The following CSMD1 variants were observed in gnomAD, a reference collection of about 807,000 sequenced individuals.
CSMD1 encodes CUB and Sushi multiple domains 1.
CSMD1 carries 213 observed loss-of-function variants against 417.5 expected under a neutral mutation model. The ratio of observed to expected loss-of-function variants is 0.51; its 90% CI spans 0.46 to 0.57. CSMD1 has a LOEUF of 0.57. Ranked by LOEUF, CSMD1 falls within the 20% of genes least tolerant of loss-of-function variation. CSMD1 has a pLI of 0.00. For missense variants in CSMD1, 6,923 were observed against 4,529.7 expected (o/e 1.53, Z -15.17); for synonymous variants, 2,862 against 1,736.8 (o/e 1.65, Z -16.11).
intron 1 of CSMD1, among the ~76,000 whole-genome samples, chr8:4,758,894 T>A (rs1811843244): frequency 6.6e-6 from 1 of 152,124 alleles, no homozygotes; most frequent in African/African-American, 2.4e-5. Flanking sequence ...GACACAAAGC[T>A]TAACCACATC....
At chr8:3,909,239 G>C (rs921971259) in intron 5 of CSMD1, among the ~76,000 whole-genome samples, 1 of 152,148 alleles carries the variant, frequency 6.6e-6, no homozygotes. Flanking sequence ...TCCTGGCTTG[G>C]AGGAGATGTA....
At chr8:3,799,453 G>A (rs1385791952) in intron 5 of CSMD1, among the ~76,000 whole-genome samples, 2 of 132,376 alleles carry the variant, frequency 1.5e-5, no homozygotes, top group Admixed American at 1.8e-4. Flanking sequence ...GTGTCCAAGT[G>A]TTCTCACTGT....
chr8:4,041,465 T>C (rs1364575110), intron 3 of CSMD1, among the ~76,000 whole-genome samples: 1 of 152,164 alleles, frequency 6.6e-6, no homozygotes, highest in African/African-American at 2.4e-5. Context: ...CCTTAAAAAG[T>C]AGTGTAAGGA....
chr8:4,019,707 T>C (rs1241281896), intron 4 of CSMD1, among the ~76,000 whole-genome samples: 1 of 152,174 alleles, frequency 6.6e-6, no homozygotes, highest in African/African-American at 2.4e-5. Flanking sequence ...GTCAGTTATT[T>C]ACATGCACGT....
Position 4,507,862 on chromosome 8 carries a change from G to A in CSMD1, c.303-87797C>T, listed in dbSNP as rs545637284. Among the ~76,000 whole-genome samples, 396 of 152,146 alleles carry A rather than the reference G, an allele frequency of 2.6e-3. 6 individuals are homozygous for A. The highest frequency in any genetic ancestry group is 5.4e-3 in the African/African-American group (226 of 41,534). On this transcript the variant is annotated intron_variant, in intron 2 of 69. Transcript: ENST00000635120. The stretch of plus-strand genomic sequence containing the variant: ...GGAGCTGAAGGAAAAATTATACACT[G>A]GTCAATTTCAGTTTAACATCTTTGA...
chr8:3,487,016 TCA>T (rs1487780767), intron 11 of CSMD1, among the ~76,000 whole-genome samples: 1 of 151,970 alleles, frequency 6.6e-6, no homozygotes, highest in Non-Finnish European at 1.5e-5. Flanking sequence ...CCTGAACCTC[TCA>T]CACACAGAAG....
At chr8:3,641,771 C>A (rs1444195024) in intron 7 of CSMD1, among the ~76,000 whole-genome samples, 1 of 152,210 alleles carries the variant, frequency 6.6e-6, no homozygotes, top group Non-Finnish European at 1.5e-5. Flanking sequence ...TACCCAACCA[C>A]TCACTACCTC....
At chr8:3,612,822 A>G (rs1801957478) in intron 8 of CSMD1, among the ~76,000 whole-genome samples, 1 of 152,094 alleles carries the variant, frequency 6.6e-6, no homozygotes, top group African/African-American at 2.4e-5. Flanking sequence ...ACATTTAGAA[A>G]GAATAAAGGT....
At chr8:3,263,868 T>C (rs539699042) in intron 26 of CSMD1, among the ~76,000 whole-genome samples, 26 of 152,338 alleles carry the variant, frequency 1.7e-4, no homozygotes, top group Admixed American at 2.6e-4. Context: ...TGTCTCTTCT[T>C]TGATGTGTAA....
rs1165304557 is a variant in CSMD1, at chr8:4,920,979, AAACAAAGAAAGAAAGAAAAG to A, written c.85+73333_85+73352del. Among the ~76,000 whole-genome samples, 9 of 17,840 alleles carry A rather than the reference AAACAAAGAAAGAAAGAAAAG, an allele frequency of 5.0e-4. 1 individual carries two copies. The highest frequency in any genetic ancestry group is 3.5e-3 in the East Asian group (2 of 568). The allele number at this position is 17,840 out of a possible 152,430, so 11.7% of individuals were successfully genotyped here. On this transcript the variant is annotated intron_variant, in intron 1 of 69. Transcript: ENST00000635120. ...GAAAGAAAGAAAGAAAGAAAGAAAG[AAACAAAGAAAGAAAGAAAAG>A]AAAGAAAGAAAGAAAAGAAAGAAAG...
chr8:4,782,672 C>T lies in CSMD1; in HGVS notation c.86-145114G>A, dbSNP rs1190915157. 2.6e-5 allele frequency among the ~76,000 whole-genome samples: 4 copies of T among 152,136 alleles called. No homozygotes were observed. The East Asian group carries it at 5.8e-4, about 22-fold the overall frequency. On this transcript the variant is annotated intron_variant, in intron 1 of 69. Coordinates refer to ENST00000635120, the MANE Select transcript of CSMD1 (RefSeq NM_033225.6). The stretch of plus-strand genomic sequence containing the variant: ...TTTGTACAATATAGCTCTACTGTGA[C>T]TCATACTTCTGCAGATGAGTATTTT...
chr8:4,915,493 T>G (rs891433609), intron 1 of CSMD1, among the ~76,000 whole-genome samples: 1 of 152,176 alleles, frequency 6.6e-6, no homozygotes, highest in African/African-American at 2.4e-5. Context: ...TATATTTATT[T>G]TTCTTGGGTT....
At chr8:4,227,540 G>A (rs1268217199) in intron 3 of CSMD1, among the ~76,000 whole-genome samples, 2 of 152,040 alleles carry the variant, frequency 1.3e-5, no homozygotes, top group South Asian at 2.1e-4. Context: ...TAACTGAGAA[G>A]CAGGGGTGCC....
At chr8:3,274,362 T>A (rs1414357003) in intron 26 of CSMD1, among the ~76,000 whole-genome samples, 1 of 152,220 alleles carries the variant, frequency 6.6e-6, no homozygotes, top group Non-Finnish European at 1.5e-5. Context: ...GTGGTCAATT[T>A]TGGAGTAGGT....
intron 5 of CSMD1, among the ~76,000 whole-genome samples, chr8:3,892,059 G>C (rs1807011643): frequency 6.6e-6 from 1 of 152,154 alleles, no homozygotes; most frequent in Non-Finnish European, 1.5e-5. Context: ...GTCACATTTG[G>C]GTAAGGTTCA....
chr8:3,471,575 CCT>C lies in CSMD1; in HGVS notation c.1449-2753_1449-2752del, dbSNP rs762795245. Among the ~76,000 whole-genome samples the C allele has an allele frequency of 4.5e-4, 56 of 124,050 alleles. 1 individual carries two copies. The highest frequency in any genetic ancestry group is 2.1e-3 in the East Asian group (8 of 3,892). The allele number at this position is 124,050 out of a possible 152,430, so 81.4% of individuals were successfully genotyped here. A position where few individuals can be genotyped will look rare whatever the true frequency, so the allele number is the denominator to read the frequency against. ...TCCTCTCCCTCCCTCCTTCCTTCTT[CCT>C]CTCTCCTTCCTTCCCTCCCTCCTTC... is the stretch of plus-strand genomic sequence containing the variant. On this transcript the variant is annotated intron_variant, in intron 11 of 69. Transcript: ENST00000635120.
intron 1 of CSMD1, among the ~76,000 whole-genome samples, chr8:4,954,470 G>C (rs575117010): frequency 8.2e-4 from 125 of 152,242 alleles, no homozygotes; most frequent in African/African-American, 3.0e-3. Flanking sequence ...TTTGAATGAT[G>C]ACTGAAATTG....
intron 1 of CSMD1, among the ~76,000 whole-genome samples, chr8:4,894,382 A>T: frequency 6.6e-6 from 1 of 151,830 alleles, no homozygotes; most frequent in Non-Finnish European, 1.5e-5. Context: ...ATTTACTTTC[A>T]TATTCTCTCT....
At chr8:3,890,152 C>T (rs1007398917) in intron 5 of CSMD1, among the ~76,000 whole-genome samples, 1 of 152,074 alleles carries the variant, frequency 6.6e-6, no homozygotes. Flanking sequence ...TGGACTAGTG[C>T]TTCTTTTGTA....
Sources: allele counts gnomAD v4.1 joint callset (sites outside exome capture counted in the v4.1 genomes callset), GRCh38; gene constraint gnomAD v4.1.1; transcripts MANE v1.5; gene names NCBI Gene and HGNC (gene_info 2026-07-23, HGNC 2026-07-21).